HENMT1: variants seen among roughly 807,000 people sequenced by gnomAD.
HENMT1 encodes the protein HEN methyltransferase 1, also known as small RNA 2'-O-methyltransferase.
HENMT1 carries 27 observed loss-of-function variants against 31.1 expected under a neutral mutation model. The observed-to-expected ratio is 0.87, with a 90% CI of 0.64 to 1.20. HENMT1 has a LOEUF of 1.20. Among genes scored for constraint, HENMT1 ranks in the 50% most tolerant of loss-of-function variants. The pLI is 0.00. For missense variants in HENMT1, 438 were observed against 469.6 expected (o/e 0.93, Z 0.62); for synonymous variants, 167 against 172.2 (o/e 0.97, Z 0.24).
At chr1:108,649,143 T>G (rs1557737742) in intron 7 of HENMT1, 152 bp from the exon 8 acceptor site, 2 of 661,560 alleles carry the variant, frequency 3.0e-6, no homozygotes. Flanking sequence ...TCAGTTATAA[T>G]GGGAATCAAA....
intron 2 of HENMT1, among the ~76,000 whole-genome samples, chr1:108,658,642 C>T (rs554353444): frequency 6.6e-6 from 1 of 152,136 alleles, no homozygotes; most frequent in Non-Finnish European, 1.5e-5. Context: ...AAACCCTGGC[C>T]CCAATCCTAT....
At chr1:108,652,980 A>C (rs1658104710) in intron 5 of HENMT1, among the ~76,000 whole-genome samples, 1 of 151,490 alleles carries the variant, frequency 6.6e-6, no homozygotes, top group Non-Finnish European at 1.5e-5. Context: ...CATCCATGAC[A>C]ATTTCATTCC....
chr1:108,653,048 A>G (rs1420865535), intron 5 of HENMT1, among the ~76,000 whole-genome samples: 3 of 142,848 alleles, frequency 2.1e-5, no homozygotes, highest in Non-Finnish European at 3.0e-5. Context: ...TTTTTTTGAG[A>G]CGGAGTTTTG....
At chr1:108,650,163 T>C in intron 7 of HENMT1, 48 bp downstream of exon 7, 2 of 1,568,370 alleles carry the variant, frequency 1.3e-6, no homozygotes, top group Non-Finnish European at 1.8e-6. Flanking sequence ...AAGTTCACCA[T>C]CCTAATGTAT....
At chr1:108,653,703 T>C (rs949170754) in intron 5 of HENMT1, among the ~76,000 whole-genome samples, 2 of 152,260 alleles carry the variant, frequency 1.3e-5, no homozygotes, top group Non-Finnish European at 2.9e-5. Flanking sequence ...TTTCATCTAC[T>C]TGTTAACCAT....
rs747321970 is a variant in HENMT1, at chr1:108,650,369, G to T, written c.598C>A (p.Arg200Ser). 35 of 1,612,944 alleles carry T rather than the reference G, an allele frequency of 2.2e-5. No individual in the cohort carries two copies. The highest frequency in any genetic ancestry group is 2.8e-5 in the Non-Finnish European group (33 of 1,179,764). The change falls in exon 7 of 8, where the codon CGC becomes AGC. Residue 200 changes from arginine to serine, a missense_variant. By Grantham distance (110) the Arg-to-Ser change is moderately radical (BLOSUM62 -1). Coordinates refer to ENST00000651461, the MANE Select transcript of HENMT1 (RefSeq NM_001102592.2). ...GTAAACTCCACAGAGTAATCATAGCGATTTGCCACATATAAAGCCCTGAAA... is the reference window on the plus strand; with the variant it reads ...GTAAACTCCACAGAGTAATCATAGCTATTTGCCACATATAAAGCCCTGAAA... ...FQTWALYVAN[R>S]YDYSVEFTGV...
intron 2 of HENMT1, among the ~76,000 whole-genome samples, chr1:108,658,970 C>T (rs957307609): frequency 3.3e-5 from 5 of 151,988 alleles, no homozygotes; most frequent in African/African-American, 9.7e-5. Context: ...TTCTTGTAGC[C>T]CAAGAATTGG....
intron 1 of HENMT1, 148 bp from the exon 2 acceptor site, chr1:108,660,110 C>T (rs1260077169): frequency 1.1e-5 from 3 of 261,012 alleles, no homozygotes; most frequent in East Asian, 6.0e-5. Flanking sequence ...ATGAATTCAC[C>T]TCTGAGTACT....
intron 5 of HENMT1, among the ~76,000 whole-genome samples, chr1:108,653,296 G>A (rs536887985): frequency 8.5e-5 from 13 of 152,194 alleles, no homozygotes; most frequent in South Asian, 6.2e-4. Context: ...GATTACAGGC[G>A]TGAGCCACCA....
At chr1:108,649,282 A>G (rs1160524955) in intron 7 of HENMT1, 5 of 521,970 alleles carry the variant, frequency 9.6e-6, no homozygotes, top group African/African-American at 9.5e-5. Flanking sequence ...CAAGGGCAAA[A>G]AAAAATGAAA....
At chr1:108,660,175 A>C (rs1041334944) in intron 1 of HENMT1, among the ~76,000 whole-genome samples, 3 of 151,684 alleles carry the variant, frequency 2.0e-5, no homozygotes, top group Non-Finnish European at 4.4e-5. Flanking sequence ...TTATACACCG[A>C]AGTTCATAGC....
At chr1:108,658,276 T>A (rs533166326) in intron 2 of HENMT1, among the ~76,000 whole-genome samples, 37 of 152,080 alleles carry the variant, frequency 2.4e-4, no homozygotes, top group African/African-American at 8.2e-4. Flanking sequence ...GGGATTACAT[T>A]ACAGGCATGC....
intron 6 of HENMT1, among the ~76,000 whole-genome samples, 170 bp downstream of exon 6, chr1:108,650,860 A>G (rs1329761793): frequency 6.6e-6 from 1 of 152,234 alleles, no homozygotes; most frequent in Non-Finnish European, 1.5e-5. Flanking sequence ...CACTTGCCCA[A>G]ATGCAATGGT....
At position 108,648,295 on chromosome 1, in the gene HENMT1, T is replaced by C. The variant is rs926962618; in HGVS notation, c.*271A>G. On this transcript the variant is annotated 3_prime_UTR_variant, in exon 8 of 8. Coordinates refer to ENST00000651461, the MANE Select transcript of HENMT1 (RefSeq NM_001102592.2). ...ACAAAAAAAATAGGTAAGTTCAAAA[T>C]TAACATATTACCACATCCAACTTCT... is the stretch of plus-strand genomic sequence containing the variant. The C allele has an allele frequency of 4.5e-6, 2 of 445,408 alleles. No individual in the cohort carries two copies. The highest frequency in any genetic ancestry group is 2.9e-5 in the South Asian group (1 of 34,074). 27.6% of individuals were successfully genotyped at this position (445,408 alleles called of 1,614,324 possible).
At chr1:108,655,843 G>A in intron 3 of HENMT1, 145 bp from the exon 4 acceptor site, 1 of 333,928 alleles carries the variant, frequency 3.0e-6, no homozygotes, top group South Asian at 3.0e-5. Flanking sequence ...TTTGGCAGAA[G>A]ATGCTACACA....
At position 108,648,840 on chromosome 1, in the gene HENMT1, T is replaced by C. The variant is rs200801783; in HGVS notation, c.908A>G (p.Asp303Gly). 1 of 1,614,202 alleles carries C rather than the reference T, an allele frequency of 6.2e-7. No individual in the cohort carries two copies. The highest frequency in any genetic ancestry group is 2.2e-5 in the East Asian group (1 of 44,890). ...GACAGGGGCCTTTGAGCCACCAATG[T>C]CTTTGGGCTTATCACCCCGTTCCCC... ...QAGERGDKPK[D>G]IGGSKAPVPC... The change falls in exon 8 of 8, where the codon GAC (aspartate) becomes GGC (glycine). Residue 303 changes from aspartate (D) to glycine (G), a missense_variant. Coordinates refer to ENST00000651461, the MANE Select transcript of HENMT1 (RefSeq NM_001102592.2).
chr1:108,650,105 A>G, intron 7 of HENMT1, 106 bp downstream of exon 7: 2 of 990,488 alleles, frequency 2.0e-6, no homozygotes, highest in Non-Finnish European at 3.2e-6. Context: ...ACCACAAAGC[A>G]AGGTCATTTA....
At chr1:108,654,382 T>C (rs1658150036) in intron 5 of HENMT1, among the ~76,000 whole-genome samples, 1 of 152,100 alleles carries the variant, frequency 6.6e-6, no homozygotes, top group Non-Finnish European at 1.5e-5. Context: ...TACCCTTAAT[T>C]GATTCAGGAA....
At chr1:108,658,487 A>AGCTGGGC (rs1658335601) in intron 2 of HENMT1, among the ~76,000 whole-genome samples, 1 of 152,120 alleles carries the variant, frequency 6.6e-6, no homozygotes, top group African/African-American at 2.4e-5. Flanking sequence ...GGCTGGTTTA[A>AGCTGGGC]AATTCCTGGG....
Sources: allele counts gnomAD v4.1 joint callset (sites outside exome capture counted in the v4.1 genomes callset), GRCh38; gene constraint gnomAD v4.1.1; transcripts MANE v1.5; gene names NCBI Gene and HGNC (gene_info 2026-07-23, HGNC 2026-07-21).